The following POU2AF1 variants were observed in gnomAD, a reference collection of about 807,000 sequenced individuals.
The protein encoded by POU2AF1 is POU class 2 homeobox associating factor 1, also known as POU domain class 2-associating factor 1.
Under a neutral mutation model 26.3 loss-of-function variants are expected in POU2AF1, and 12 were observed. The ratio of observed to expected loss-of-function variants is 0.46; its 90% CI spans 0.29 to 0.74. The LOEUF (loss-of-function observed/expected upper bound fraction) is 0.74. POU2AF1 is among the 30% of genes least tolerant of loss of function. POU2AF1 has a pLI of 0.09. For synonymous variants in POU2AF1, 175 were observed against 148.0 expected, an observed-to-expected ratio of 1.18 and a Z score of -1.32; for missense variants, 297 against 334.5, an observed-to-expected ratio of 0.89 and a Z score of 0.87.
At chr11:111,362,615 CCAT>C (rs1206023491) in intron 1 of POU2AF1, among the ~76,000 whole-genome samples, 1 of 152,214 alleles carries the variant, frequency 6.6e-6, no homozygotes, top group African/African-American at 2.4e-5. Flanking sequence ...TCCTCCAGTT[CCAT>C]CCATGCTGTT....
intron 4 of POU2AF1, among the ~76,000 whole-genome samples, chr11:111,356,323 C>T (rs1460074124): frequency 6.6e-6 from 1 of 152,170 alleles, no homozygotes; most frequent in Non-Finnish European, 1.5e-5. Context: ...ATCCAGGCTC[C>T]AAAATTGGTT....
chr11:111,354,072 G>A lies in POU2AF1; in HGVS notation c.*189C>T, dbSNP rs1860791398. 2.0e-6 allele frequency: 1 copy of A among 507,962 alleles called. No homozygotes were observed. Among genetic ancestry groups the A allele is most frequent in the Non-Finnish European group, 3.3e-6 (1 of 302,586 alleles). 31.5% of individuals were successfully genotyped at this position (507,962 alleles called of 1,614,324 possible). A position where few individuals can be genotyped will look rare whatever the true frequency, so the allele number is the denominator to read the frequency against. ...GGAGGGGAAGAATGGAAGGATGGGG[G>A]AGAGGGAGGAAGTGAGGGAGGGAGG... On this transcript the variant is annotated 3_prime_UTR_variant, in exon 5 of 5. Coordinates refer to ENST00000393067, the MANE Select transcript of POU2AF1 (RefSeq NM_006235.3).
Position 111,352,750 on chromosome 11 carries a change from A to G in POU2AF1, c.*1511T>C, listed in dbSNP as rs549484667. 3.3e-4 allele frequency: 55 copies of G among 166,860 alleles called. No individual in the cohort carries two copies. The highest frequency in any genetic ancestry group is 1.3e-3 in the African/African-American group (54 of 41,986). The allele number at this position is 166,860 out of a possible 1,614,324, so 10.3% of individuals were successfully genotyped here. A position where few individuals can be genotyped will look rare whatever the true frequency, so the allele number is the denominator to read the frequency against. ...GGAGTTCGAGACCAGCCTGGCCAAC[A>G]TGGTGAAACCCCGTCTCTACTAAAA... On this transcript the variant is annotated 3_prime_UTR_variant, in exon 5 of 5. Transcript: ENST00000393067.
chr11:111,359,007 C>T, intron 1 of POU2AF1, 89 bp from the exon 2 acceptor site: 2 of 1,516,864 alleles, frequency 1.3e-6, no homozygotes, highest in Non-Finnish European at 8.8e-7. Flanking sequence ...TCTGCCTGCT[C>T]CCCTAAGTCG....
At chr11:111,363,785 A>G in intron 1 of POU2AF1, 1 of 974,294 alleles carries the variant, frequency 1.0e-6, no homozygotes, top group Non-Finnish European at 1.2e-6. Flanking sequence ...GCTCCCGATT[A>G]ACTTGTAACT....
intron 2 of POU2AF1, among the ~76,000 whole-genome samples, chr11:111,358,346 T>A (rs34946605): frequency 0.068 from 1,949 of 28,786 alleles, 52 homozygotes; most frequent in African/African-American, 0.11. Flanking sequence ...TCTCACACTC[T>A]CACACTCACA....
chr11:111,359,183 C>T (rs1209953826), intron 1 of POU2AF1: 1 of 565,342 alleles, frequency 1.8e-6, no homozygotes, highest in Non-Finnish European at 3.1e-6. Flanking sequence ...ACCCATTTTT[C>T]TCACCACTTT....
At chr11:111,377,234 G>T (rs1319953344) in intron 1 of POU2AF1, among the ~76,000 whole-genome samples, 1 of 147,518 alleles carries the variant, frequency 6.8e-6, no homozygotes, top group African/African-American at 2.5e-5. Flanking sequence ...AAAAAAAACA[G>T]CTGGGTGTGG....
rs536987419 is a variant in POU2AF1, at chr11:111,360,400, G to A, written c.17-1482C>T. On this transcript the variant is annotated intron_variant, in intron 1 of 4. Coordinates refer to ENST00000393067, the MANE Select transcript of POU2AF1 (RefSeq NM_006235.3). ...GCTGATAAGGTCCCATGCCTGACTCGGCACCAGACCTCCCTCCAGGCTCCA... is the reference window on the plus strand; with the variant it reads ...GCTGATAAGGTCCCATGCCTGACTCAGCACCAGACCTCCCTCCAGGCTCCA... Among the ~76,000 whole-genome samples the A allele has an allele frequency of 9.2e-5, 14 of 152,276 alleles. No individual in the cohort carries two copies. In the South Asian group the frequency reaches 2.5e-3, roughly 27 times the overall value.
intron 4 of POU2AF1, among the ~76,000 whole-genome samples, chr11:111,356,049 C>G (rs1015772612): frequency 6.6e-6 from 1 of 152,244 alleles, no homozygotes; most frequent in Non-Finnish European, 1.5e-5. Flanking sequence ...TGTGGACTTA[C>G]AGCTCTAGCC....
Position 111,352,993 on chromosome 11 carries a change from A to AAGGAAG in POU2AF1, c.*1267_*1268insCTTCCT, listed in dbSNP as rs1565357083. 4 of 72,822 alleles carry AAGGAAG rather than the reference A, an allele frequency of 5.5e-5. No homozygotes were observed. Among genetic ancestry groups the AAGGAAG allele is most frequent in the African/African-American group, 1.4e-4 (2 of 14,432 alleles). 4.5% of individuals were successfully genotyped at this position (72,822 alleles called of 1,614,324 possible). Reference sequence around the variant, plus strand: ...AGGAAGGAAGGAAGGAAGGAAGGAAAGAAGGAAGGAAGGAAGGAAGGAAGG... The same window carrying AAGGAAG: ...AGGAAGGAAGGAAGGAAGGAAGGAAAAGGAAGGAAGGAAGGAAGGAAGGAAGGAAGG... On this transcript the variant is annotated 3_prime_UTR_variant, in exon 5 of 5. Coordinates refer to ENST00000393067, the MANE Select transcript of POU2AF1 (RefSeq NM_006235.3).
chr11:111,355,817 A>G (rs938002145), intron 4 of POU2AF1, among the ~76,000 whole-genome samples: 14 of 152,184 alleles, frequency 9.2e-5, no homozygotes, highest in African/African-American at 3.4e-4. Context: ...ACCCCACCAC[A>G]GCATAATCAC....
At chr11:111,378,513 G>A (rs1010818971) in intron 1 of POU2AF1, among the ~76,000 whole-genome samples, 3 of 152,176 alleles carry the variant, frequency 2.0e-5, no homozygotes, top group African/African-American at 7.2e-5. Context: ...ATCCAACTCC[G>A]GGGATAAAAA....
chr11:111,366,689 C>A (rs1182528920), intron 1 of POU2AF1, among the ~76,000 whole-genome samples: 1 of 152,150 alleles, frequency 6.6e-6, no homozygotes, highest in African/African-American at 2.4e-5. Context: ...CTGAGAATTT[C>A]CCCAGACCTA....
intron 2 of POU2AF1, among the ~76,000 whole-genome samples, chr11:111,358,537 C>T (rs1246556131): frequency 6.6e-6 from 1 of 151,796 alleles, no homozygotes; most frequent in African/African-American, 2.4e-5. Flanking sequence ...CGCCATCACA[C>T]ACAAACACAT....
chr11:111,371,759 C>T (rs1315846756), intron 1 of POU2AF1, among the ~76,000 whole-genome samples: 14 of 152,046 alleles, frequency 9.2e-5, no homozygotes, highest in African/African-American at 3.1e-4. Context: ...CCAAGCACAG[C>T]AGAAAACCCC....
intron 1 of POU2AF1, among the ~76,000 whole-genome samples, chr11:111,361,412 G>A (rs1228489337): frequency 6.6e-6 from 1 of 152,170 alleles, no homozygotes; most frequent in Non-Finnish European, 1.5e-5. Flanking sequence ...ACTTACTGGT[G>A]GAAAGTTCTT....
At chr11:111,362,305 G>T (rs1861025983) in intron 1 of POU2AF1, among the ~76,000 whole-genome samples, 1 of 152,150 alleles carries the variant, frequency 6.6e-6, no homozygotes, top group African/African-American at 2.4e-5. Context: ...TCACCTCTTT[G>T]TGTTATAAAC....
At chr11:111,370,115 G>A (rs1455330181) in intron 1 of POU2AF1, among the ~76,000 whole-genome samples, 1 of 152,198 alleles carries the variant, frequency 6.6e-6, no homozygotes, top group Non-Finnish European at 1.5e-5. Flanking sequence ...GTGGCCTGGG[G>A]TGTAGCCTTC....
Sources: gnomAD v4.1 joint callset for allele counts (sites outside exome capture counted in the v4.1 genomes callset) on GRCh38, gnomAD v4.1.1 for gene constraint, MANE v1.5 for transcripts, NCBI Gene and HGNC (gene_info 2026-07-23, HGNC 2026-07-21) for gene names.